Variants in APP observed in about 807,000 individuals in gnomAD.
APP encodes amyloid beta precursor protein, also known as amyloid-beta precursor protein.
A neutral mutation model predicts 101.4 loss-of-function variants in APP; 31 were observed. The observed-to-expected ratio is 0.31, with a 90% CI of 0.23 to 0.41. The LOEUF (loss-of-function observed/expected upper bound fraction) is 0.41. APP is among the 10% of genes least tolerant of loss of function. APP has a pLI of 1.00. For missense variants in APP, 839 were observed against 1,003.7 expected (o/e 0.84, Z 2.22); for synonymous variants, 366 against 364.4 (o/e 1.00, Z -0.05).
At chr21:25,964,756 A>G (rs1205869136) in intron 11 of APP, among the ~76,000 whole-genome samples, 2 of 151,896 alleles carry the variant, frequency 1.3e-5, no homozygotes, top group African/African-American at 4.8e-5. Context: ...ATGCGCCACC[A>G]TGCCCAGCTA....
At chr21:26,011,679 C>G (rs1364824734) in intron 6 of APP, among the ~76,000 whole-genome samples, 1 of 152,088 alleles carries the variant, frequency 6.6e-6, no homozygotes, top group African/African-American at 2.4e-5. Context: ...CTTTGCCCAC[C>G]AAGACTACTG....
intron 11 of APP, among the ~76,000 whole-genome samples, chr21:25,969,922 AAAAGG>A (rs369276904): frequency 2.0e-4 from 27 of 135,966 alleles, no homozygotes; most frequent in Non-Finnish European, 4.2e-4. Flanking sequence ...AGGGGAAGAG[AAAAGG>A]AAAGGAAAGG....
chr21:26,044,665 G>A lies in APP; in HGVS notation c.662+6335C>T, dbSNP rs556854287. On this transcript the variant is annotated intron_variant, in intron 5 of 17. Coordinates refer to ENST00000346798, the MANE Select transcript of APP (RefSeq NM_000484.4). ...ATTGATTCTCCTGCCTCAGCCTCCC[G>A]AGTAGCTGGGATTACAGGCATGCGC... Among the ~76,000 whole-genome samples, 153 of 152,066 alleles carry A rather than the reference G, an allele frequency of 1.0e-3. No homozygotes were observed. In the Middle Eastern group the frequency reaches 0.02, roughly 20 times the overall value.
At chr21:25,952,223 CACAT>C (rs1389256235) in intron 13 of APP, among the ~76,000 whole-genome samples, 14 of 151,332 alleles carry the variant, frequency 9.3e-5, no homozygotes, top group Admixed American at 2.6e-4. Context: ...CACACACACA[CACAT>C]TAAGAGCACA....
chr21:26,015,900 GA>G (rs2044034591), intron 6 of APP, among the ~76,000 whole-genome samples: 2 of 139,138 alleles, frequency 1.4e-5, no homozygotes, highest in Non-Finnish European at 3.1e-5. Flanking sequence ...AACATCCATA[GA>G]CAATTTTTAA....
At chr21:26,101,944 T>C (rs1421571569) in intron 2 of APP, among the ~76,000 whole-genome samples, 2 of 152,130 alleles carry the variant, frequency 1.3e-5, no homozygotes, top group Admixed American at 6.5e-5. Flanking sequence ...CACAAAAACC[T>C]AACAGTGCCC....
chr21:25,991,531 C>A, intron 8 of APP, among the ~76,000 whole-genome samples: 1 of 152,158 alleles, frequency 6.6e-6, no homozygotes, highest in Admixed American at 6.5e-5. Context: ...GCGCCCATCA[C>A]CACGCCCAGC....
intron 4 of APP, 84 bp downstream of exon 4, chr21:26,053,152 G>C (rs2045904514): frequency 1.0e-6 from 1 of 970,244 alleles, no homozygotes; most frequent in African/African-American, 1.6e-5. Context: ...CATAGCTGTT[G>C]CCTCAAAATA....
At chr21:26,155,926 G>A (rs191259305) in intron 1 of APP, among the ~76,000 whole-genome samples, 1 of 151,344 alleles carries the variant, frequency 6.6e-6, no homozygotes, top group East Asian at 2.0e-4. Context: ...GAACCCAGGA[G>A]GGAGGCAGAG....
At chr21:25,997,173 C>T (rs2043087898) in intron 8 of APP, 187 bp downstream of exon 8, 1 of 624,650 alleles carries the variant, frequency 1.6e-6, no homozygotes, top group East Asian at 2.8e-5. Flanking sequence ...ATGTTCTTAG[C>T]CCAACATCTC....
intron 1 of APP, among the ~76,000 whole-genome samples, chr21:26,130,340 C>A (rs2062767215): frequency 6.6e-6 from 1 of 152,142 alleles, no homozygotes; most frequent in African/African-American, 2.4e-5. Flanking sequence ...GTTTTAAGTT[C>A]TTGTTTGAAG....
intron 7 of APP, among the ~76,000 whole-genome samples, chr21:25,998,952 C>T (rs1010183809): frequency 5.3e-5 from 8 of 152,240 alleles, no homozygotes; most frequent in South Asian, 4.1e-4. Context: ...ATATTTTTAT[C>T]CCCCGGAATT....
Position 26,110,610 on chromosome 21 carries a change from A to G in APP, c.225+1369T>C, listed in dbSNP as rs193220099. 7.9e-5 allele frequency among the ~76,000 whole-genome samples: 12 copies of G among 152,328 alleles called. No homozygotes were observed. The Middle Eastern group carries it at 0.01, about 130-fold the overall frequency. On this transcript the variant is annotated intron_variant, in intron 2 of 17. Transcript: ENST00000346798. ...GATGCTTTTTGCTTCTCAAAACACC[A>G]ATTAGTAATTAGAGCTTGTCCTTTC...
intron 1 of APP, among the ~76,000 whole-genome samples, chr21:26,116,211 A>T (rs1446666284): frequency 1.3e-5 from 2 of 152,192 alleles, no homozygotes; most frequent in African/African-American, 4.8e-5. Flanking sequence ...GCTCTGAACT[A>T]CAGAGACGTA....
intron 2 of APP, among the ~76,000 whole-genome samples, chr21:26,111,696 C>T (rs1233775105): frequency 6.6e-6 from 1 of 151,986 alleles, no homozygotes; most frequent in Non-Finnish European, 1.5e-5. Context: ...ATAATCTTGC[C>T]ACTGCACTCC....
chr21:26,169,126 A>T (rs969861352), intron 1 of APP: 2 of 152,228 alleles, frequency 1.3e-5, no homozygotes, highest in African/African-American at 4.8e-5. Context: ...ACAACTTCTA[A>T]GCATCTTCAG....
At chr21:26,105,952 A>G (rs1337614441) in intron 2 of APP, among the ~76,000 whole-genome samples, 2 of 152,002 alleles carry the variant, frequency 1.3e-5, no homozygotes, top group African/African-American at 4.8e-5. Flanking sequence ...CCCACATCAC[A>G]CGGCCACACC....
At chr21:25,938,147 G>A (rs1428401579) in intron 13 of APP, among the ~76,000 whole-genome samples, 1 of 152,132 alleles carries the variant, frequency 6.6e-6, no homozygotes, top group African/African-American at 2.4e-5. Flanking sequence ...CCTTTTCATA[G>A]CTAATAAGAA....
chr21:26,048,477 C>T (rs1212553191), intron 5 of APP, among the ~76,000 whole-genome samples: 1 of 152,040 alleles, frequency 6.6e-6, no homozygotes, highest in Admixed American at 6.6e-5. Context: ...TGTGTTGGTC[C>T]GCATTCAAAG....
Sources: allele counts gnomAD v4.1 joint callset (sites outside exome capture counted in the v4.1 genomes callset), GRCh38; gene constraint gnomAD v4.1.1; transcripts MANE v1.5; gene names NCBI Gene and HGNC (gene_info 2026-07-23, HGNC 2026-07-21).